Variants in MRAP2 observed in about 807,000 individuals in gnomAD.
MRAP2 encodes melanocortin-2 receptor accessory protein 2.
A neutral mutation model predicts 17.4 loss-of-function variants in MRAP2; 20 were observed. The ratio of observed to expected loss-of-function variants is 1.15; its 90% CI spans 0.81 to 1.67. MRAP2 has a LOEUF of 1.67. Among genes scored for constraint, MRAP2 ranks in the 40% most tolerant of loss-of-function variants. The probability of loss-of-function intolerance (pLI) is 0.00; values close to 1 mark genes in which losing one functional copy is unlikely to be tolerated. For synonymous variants in MRAP2, 96 were observed against 88.4 expected (o/e 1.09, Z -0.48); for missense variants, 238 against 240.0 (o/e 0.99, Z 0.05).
At chr6:84,036,563 G>C (rs554496779) in intron 1 of MRAP2, among the ~76,000 whole-genome samples, 2 of 151,996 alleles carry the variant, frequency 1.3e-5, no homozygotes, top group Non-Finnish European at 2.9e-5. Context: ...AGACCTTCAC[G>C]GTGAGTGTTA....
At chr6:84,091,217 TAAAG>T (rs1210096016), downstream of MRAP2, among the ~76,000 whole-genome samples, 1 of 151,248 alleles carries the variant, frequency 6.6e-6, no homozygotes, top group Non-Finnish European at 1.5e-5. Context: ...GCAAGAGTAT[TAAAG>T]AATGCTGAGT....
chr6:84,088,137 A>T (rs1206127962), intron 3 of MRAP2, among the ~76,000 whole-genome samples: 1 of 152,036 alleles, frequency 6.6e-6, no homozygotes, highest in Non-Finnish European at 1.5e-5. Context: ...TTGAGCACAA[A>T]CTCCAGGGCT....
intron 3 of MRAP2, among the ~76,000 whole-genome samples, chr6:84,076,826 A>C (rs568985970): frequency 6.6e-6 from 1 of 152,320 alleles, no homozygotes; most frequent in South Asian, 2.1e-4. Flanking sequence ...AAATCTCATC[A>C]AAAATCTGGA....
At chr6:84,034,008 C>A in intron 1 of MRAP2, 125 bp downstream of exon 1, 4 of 718,146 alleles carry the variant, frequency 5.6e-6, no homozygotes, top group Non-Finnish European at 6.8e-6. Flanking sequence ...TTTAGAGGGG[C>A]TAGAGAATGG....
At chr6:84,072,879 C>T (rs946280071) in intron 3 of MRAP2, among the ~76,000 whole-genome samples, 1 of 152,120 alleles carries the variant, frequency 6.6e-6, no homozygotes, top group Non-Finnish European at 1.5e-5. Flanking sequence ...TCACAGGACT[C>T]ACCCAGCTCC....
the MRAP2 span, among the ~76,000 whole-genome samples, chr6:84,103,976 A>T: frequency 2.0e-5 from 3 of 152,160 alleles, no homozygotes; most frequent in South Asian, 6.2e-4. Flanking sequence ...TTGAATTTAC[A>T]ACTCATTTTA....
the MRAP2 span, among the ~76,000 whole-genome samples, chr6:84,141,220 C>T: frequency 6.6e-6 from 1 of 151,346 alleles, no homozygotes; most frequent in Non-Finnish European, 1.5e-5. Flanking sequence ...ATGGGTATAC[C>T]TTTAAAGATT....
intron 1 of MRAP2, among the ~76,000 whole-genome samples, chr6:84,053,220 A>AT (rs1169912668): frequency 2.6e-5 from 4 of 151,748 alleles, no homozygotes; most frequent in Non-Finnish European, 5.9e-5. Context: ...ACTTTTCCCT[A>AT]TTTTTCTATT....
chr6:84,037,799 C>T (rs2099486538), intron 1 of MRAP2, among the ~76,000 whole-genome samples: 2 of 152,106 alleles, frequency 1.3e-5, no homozygotes, highest in African/African-American at 2.4e-5. Flanking sequence ...CGCTGGCCAG[C>T]CCGGGTTCCT....
the MRAP2 span, among the ~76,000 whole-genome samples, chr6:84,116,304 T>C: frequency 6.6e-6 from 1 of 152,050 alleles, no homozygotes; most frequent in Non-Finnish European, 1.5e-5. Flanking sequence ...ATCATAAGGG[T>C]GATACTTTCC....
intron 1 of MRAP2, among the ~76,000 whole-genome samples, chr6:84,043,298 T>C (rs892974305): frequency 6.6e-6 from 1 of 152,204 alleles, no homozygotes. Flanking sequence ...GTCTAGTCTT[T>C]GGGGAGTCTG....
intron 3 of MRAP2, among the ~76,000 whole-genome samples, chr6:84,064,723 G>A (rs904303960): frequency 2.6e-5 from 4 of 152,220 alleles, no homozygotes; most frequent in East Asian, 3.9e-4. Flanking sequence ...TGCTGACTTC[G>A]TGATCCGCCC....
At chr6:84,117,286 G>A in the MRAP2 span, among the ~76,000 whole-genome samples, 6 of 152,318 alleles carry the variant, frequency 3.9e-5, no homozygotes, top group South Asian at 4.1e-4. Flanking sequence ...GCCTCCCAAA[G>A]TACTGGGATT....
chr6:84,106,854 A>T, the MRAP2 span, among the ~76,000 whole-genome samples: 1 of 152,148 alleles, frequency 6.6e-6, no homozygotes, highest in Non-Finnish European at 1.5e-5. Context: ...GTCAGACAAC[A>T]TGCAGTTCAT....
At position 84,066,608 on chromosome 6, in the gene MRAP2, T is replaced by C. The variant is rs570329328; in HGVS notation, c.227+3616T>C. 9.8e-5 allele frequency among the ~76,000 whole-genome samples: 15 copies of C among 152,360 alleles called. No homozygotes were observed. In the South Asian group the frequency reaches 3.1e-3, roughly 32 times the overall value. On this transcript the variant is annotated intron_variant, in intron 3 of 3. Coordinates refer to ENST00000257776, the MANE Select transcript of MRAP2 (RefSeq NM_138409.4). ...ACATTGAAAATAATAAGAGCCATTT[T>C]TTTTGATTCCAGGGTCAACTAATTA...
the MRAP2 span, among the ~76,000 whole-genome samples, chr6:84,131,564 CTCT>C: frequency 1.3e-5 from 2 of 152,160 alleles, no homozygotes; most frequent in African/African-American, 4.8e-5. Flanking sequence ...GGATAGTTAG[CTCT>C]TCTTGTTGAA....
the MRAP2 span, among the ~76,000 whole-genome samples, chr6:84,097,356 GT>G: frequency 6.6e-6 from 1 of 152,254 alleles, no homozygotes; most frequent in Non-Finnish European, 1.5e-5. Context: ...GTGGCTTTAA[GT>G]TTCCTCTTTA....
At chr6:84,144,114 A>G in the MRAP2 span, among the ~76,000 whole-genome samples, 1 of 151,962 alleles carries the variant, frequency 6.6e-6, no homozygotes, top group Non-Finnish European at 1.5e-5. Context: ...TTGACCTCAA[A>G]CTAGCTTTGG....
chr6:84,136,829 C>A, the MRAP2 span, among the ~76,000 whole-genome samples: 1 of 152,238 alleles, frequency 6.6e-6, no homozygotes, highest in African/African-American at 2.4e-5. Flanking sequence ...TTTTCTTCTG[C>A]ATGAGAAACT....
Sources: allele counts gnomAD v4.1 joint callset (sites outside exome capture counted in the v4.1 genomes callset), GRCh38; gene constraint gnomAD v4.1.1; transcripts MANE v1.5; gene names NCBI Gene and HGNC (gene_info 2026-07-23, HGNC 2026-07-21).